MIPOL1: variants seen among roughly 807,000 people sequenced by gnomAD.
MIPOL1 encodes the protein mirror-image polydactyly 1, also known as mirror-image polydactyly gene 1 protein.
In MIPOL1, 57 loss-of-function variants were observed where a neutral mutation model predicts 60.9. The ratio of observed to expected loss-of-function variants is 0.94; its 90% confidence interval spans 0.76 to 1.17. The LOEUF (loss-of-function observed/expected upper bound fraction) is 1.17. Among genes scored for constraint, MIPOL1 ranks in the 50% most tolerant of loss-of-function variants. MIPOL1 has a pLI of 0.00. For missense variants in MIPOL1, 551 were observed against 511.6 expected (o/e 1.08, Z -0.74); for synonymous variants, 179 against 168.8 (o/e 1.06, Z -0.47).
At chr14:37,400,717 A>G (rs1030619060) in intron 10 of MIPOL1, 55 of 152,154 alleles carry the variant, frequency 3.6e-4, no homozygotes, top group African/African-American at 1.3e-3. Context: ...TTGGGAAGAA[A>G]CTACCCCTTG....
chr14:37,480,828 A>G (rs985916454), intron 11 of MIPOL1, among the ~76,000 whole-genome samples: 7 of 152,024 alleles, frequency 4.6e-5, no homozygotes, highest in Admixed American at 6.6e-5. Flanking sequence ...ACAAACAAAC[A>G]AAAAAAACCT....
chr14:37,302,262 GTT>G (rs57468146), intron 7 of MIPOL1, among the ~76,000 whole-genome samples: 2,083 of 95,150 alleles, frequency 0.022, 15 homozygotes, highest in Middle Eastern at 0.04. Context: ...TGGAACTGTT[GTT>G]TTTTTTTTTT....
At chr14:37,322,804 G>A (rs551154059) in intron 9 of MIPOL1, among the ~76,000 whole-genome samples, 1 of 152,038 alleles carries the variant, frequency 6.6e-6, no homozygotes, top group Non-Finnish European at 1.5e-5. Context: ...CATATCCTTT[G>A]CCCACTTTTT....
chr14:37,293,096 TC>T (rs1357775651), intron 7 of MIPOL1, among the ~76,000 whole-genome samples: 5 of 151,980 alleles, frequency 3.3e-5, no homozygotes, highest in African/African-American at 4.8e-5. Context: ...GATTCTTGCT[TC>T]CTCTGTACAG....
intron 7 of MIPOL1, 49 bp from the exon 8 acceptor site, chr14:37,308,007 G>A (rs2153433759): frequency 2.0e-6 from 3 of 1,519,886 alleles, no homozygotes; most frequent in Admixed American, 1.8e-5. Context: ...TCATTTTGCT[G>A]CACTAAGGAA....
At chr14:37,521,515 T>C (rs1363766595) in intron 12 of MIPOL1, among the ~76,000 whole-genome samples, 1 of 152,150 alleles carries the variant, frequency 6.6e-6, no homozygotes, top group Non-Finnish European at 1.5e-5. Flanking sequence ...AATTTGTATT[T>C]CAACATCCAT....
intron 9 of MIPOL1, among the ~76,000 whole-genome samples, chr14:37,324,804 A>G (rs1351704374): frequency 6.6e-6 from 1 of 151,998 alleles, no homozygotes; most frequent in Non-Finnish European, 1.5e-5. Flanking sequence ...TTGAGAGATG[A>G]TTTTCCCCCA....
chr14:37,426,659 ATATG>A (rs1212722705), intron 11 of MIPOL1, among the ~76,000 whole-genome samples: 2 of 145,560 alleles, frequency 1.4e-5, no homozygotes, highest in Admixed American at 7.0e-5. Context: ...GTGTATATAT[ATATG>A]CACACAAGTA....
intron 9 of MIPOL1, among the ~76,000 whole-genome samples, chr14:37,369,093 A>C (rs1460677109): frequency 6.6e-6 from 1 of 151,916 alleles, no homozygotes; most frequent in East Asian, 1.9e-4. Flanking sequence ...TATACCTTAT[A>C]ATTTTTATTT....
intron 10 of MIPOL1, among the ~76,000 whole-genome samples, chr14:37,417,775 T>G (rs2153545399): frequency 6.6e-6 from 1 of 152,294 alleles, no homozygotes; most frequent in South Asian, 2.1e-4. Flanking sequence ...ATATTTATGG[T>G]TACTCTGGAA....
intron 12 of MIPOL1, among the ~76,000 whole-genome samples, chr14:37,526,081 G>A (rs775825709): frequency 6.6e-6 from 1 of 151,898 alleles, no homozygotes; most frequent in Non-Finnish European, 1.5e-5. Context: ...AAATTATAGA[G>A]ACAGAAGAAT....
At chr14:37,338,947 G>T (rs780020934) in intron 9 of MIPOL1, among the ~76,000 whole-genome samples, 1 of 152,190 alleles carries the variant, frequency 6.6e-6, no homozygotes, top group African/African-American at 2.4e-5. Flanking sequence ...GAAGACACAA[G>T]TAGCTGTAAC....
intron 12 of MIPOL1, among the ~76,000 whole-genome samples, chr14:37,526,731 T>G (rs8005136): frequency 6.6e-6 from 1 of 151,918 alleles, no homozygotes; most frequent in East Asian, 1.9e-4. Context: ...AAATGAGCAG[T>G]CTTCCTCAAA....
At chr14:37,414,346 A>G (rs1372279420) in intron 10 of MIPOL1, among the ~76,000 whole-genome samples, 1 of 152,162 alleles carries the variant, frequency 6.6e-6, no homozygotes, top group Non-Finnish European at 1.5e-5. Context: ...AGTATATCCT[A>G]CTATTATTAG....
intron 1 of MIPOL1, among the ~76,000 whole-genome samples, chr14:37,203,016 T>G (rs1353784180): frequency 6.6e-6 from 1 of 152,198 alleles, no homozygotes; most frequent in Non-Finnish European, 1.5e-5. Context: ...ATGACTCACT[T>G]CCACTTGCAA....
intron 10 of MIPOL1, among the ~76,000 whole-genome samples, chr14:37,402,081 T>G (rs938383087): frequency 6.6e-6 from 1 of 152,096 alleles, no homozygotes; most frequent in Non-Finnish European, 1.5e-5. Flanking sequence ...AGATGATTAT[T>G]TCCGTTAAGA....
chr14:37,272,524 T>G (rs1049559583), intron 6 of MIPOL1, among the ~76,000 whole-genome samples: 29 of 151,736 alleles, frequency 1.9e-4, no homozygotes, highest in African/African-American at 7.0e-4. Context: ...CTTAATAAAC[T>G]TGTCTTAAAT....
At chr14:37,330,714 T>TTC (rs1354923333) in intron 9 of MIPOL1, among the ~76,000 whole-genome samples, 1 of 151,240 alleles carries the variant, frequency 6.6e-6, no homozygotes, top group Non-Finnish European at 1.5e-5. Context: ...CTCTTCATTT[T>TTC]TTTTTTTTTT....
intron 11 of MIPOL1, among the ~76,000 whole-genome samples, chr14:37,451,768 G>T (rs1345845183): frequency 6.7e-6 from 1 of 149,276 alleles, no homozygotes; most frequent in Non-Finnish European, 1.5e-5. Flanking sequence ...ATGTATCAAA[G>T]AAATCATTGT....
Sources: gnomAD v4.1 joint callset for allele counts (sites outside exome capture counted in the v4.1 genomes callset) on GRCh38, gnomAD v4.1.1 for gene constraint, MANE v1.5 for transcripts, NCBI Gene and HGNC (gene_info 2026-07-23, HGNC 2026-07-21) for gene names.